Variants in ITGA1 observed in about 807,000 individuals in gnomAD.
ITGA1 encodes integrin subunit alpha 1.
In ITGA1, 85 loss-of-function variants were observed where a neutral mutation model predicts 145.9. The ratio of observed to expected loss-of-function variants is 0.58; its 90% confidence interval spans 0.49 to 0.70. The LOEUF is 0.70. Ranked by LOEUF, ITGA1 falls within the 30% of genes least tolerant of loss-of-function variation. The pLI is 0.00. For synonymous variants in ITGA1, 520 were observed against 495.3 expected (o/e 1.05, Z -0.66); for missense variants, 1,351 against 1,418.7 (o/e 0.95, Z 0.77).
At chr5:52,943,047 AT>A (rs1397828238) in intron 26 of ITGA1, among the ~76,000 whole-genome samples, 1 of 152,042 alleles carries the variant, frequency 6.6e-6, no homozygotes, top group Non-Finnish European at 1.5e-5. Context: ...TTCTATTCCT[AT>A]TTGGATGTCT....
intron 14 of ITGA1, among the ~76,000 whole-genome samples, chr5:52,912,253 TTATA>T (rs1486441402): frequency 4.8e-5 from 7 of 144,760 alleles, no homozygotes; most frequent in African/African-American, 1.7e-4. Context: ...ACAATATATA[TTATA>T]TATAGTGTAT....
intron 6 of ITGA1, among the ~76,000 whole-genome samples, chr5:52,877,396 G>C (rs1286194623): frequency 6.6e-6 from 1 of 152,098 alleles, no homozygotes; most frequent in Non-Finnish European, 1.5e-5. Context: ...CTGGAGTCGG[G>C]CTCCAACACC....
intron 1 of ITGA1, chr5:52,800,139 A>C: frequency 4.0e-6 from 2 of 505,326 alleles, no homozygotes; most frequent in African/African-American, 1.9e-5. Context: ...GGAACTGTGT[A>C]GGGGTAGATT....
intron 24 of ITGA1, among the ~76,000 whole-genome samples, chr5:52,938,349 T>G (rs1751002915): frequency 1.3e-5 from 2 of 152,184 alleles, no homozygotes; most frequent in Non-Finnish European, 2.9e-5. Flanking sequence ...TTCATTATGG[T>G]TTAGTGCCTA....
chr5:52,837,496 C>T (rs1749178445), intron 1 of ITGA1, among the ~76,000 whole-genome samples: 1 of 152,070 alleles, frequency 6.6e-6, no homozygotes, highest in Non-Finnish European at 1.5e-5. Flanking sequence ...TGTTTTTATT[C>T]CCTTTTAGAC....
chr5:52,853,972 T>C (rs1749467711), intron 2 of ITGA1, among the ~76,000 whole-genome samples: 1 of 152,128 alleles, frequency 6.6e-6, no homozygotes, highest in South Asian at 2.1e-4. Context: ...AGATGTCTGT[T>C]TGGGGCTTTC....
At chr5:52,834,118 A>G (rs76815853) in intron 1 of ITGA1, among the ~76,000 whole-genome samples, 18,241 of 152,164 alleles carry the variant, frequency 0.12, 1,145 homozygotes, top group Admixed American at 0.17. Context: ...TGGTGGCTCT[A>G]TTGTCAGCAT....
At chr5:52,792,054 T>C (rs1433121128) in intron 1 of ITGA1, among the ~76,000 whole-genome samples, 1 of 152,220 alleles carries the variant, frequency 6.6e-6, no homozygotes, top group East Asian at 1.9e-4. Flanking sequence ...TACAAGTCAA[T>C]CTTTTATTTC....
chr5:52,849,567 G>T (rs1749397600), intron 2 of ITGA1, 82 bp downstream of exon 2: 2 of 1,178,144 alleles, frequency 1.7e-6, no homozygotes, highest in South Asian at 2.1e-5. Flanking sequence ...TTTCTTTTAT[G>T]AATGAAACTT....
chr5:52,942,057 G>T (rs1561256017), intron 26 of ITGA1, among the ~76,000 whole-genome samples: 1 of 152,048 alleles, frequency 6.6e-6, no homozygotes, highest in African/African-American at 2.4e-5. Flanking sequence ...GCTTGTTTTT[G>T]TTGGCTTTAT....
chr5:52,788,985 G>A (rs1748185504), intron 1 of ITGA1, among the ~76,000 whole-genome samples: 1 of 152,176 alleles, frequency 6.6e-6, no homozygotes, highest in Non-Finnish European at 1.5e-5. Context: ...ATTTTGAAAC[G>A]TAGAAAGGAA....
chr5:52,910,201 C>T lies in ITGA1; in HGVS notation c.1639C>T (p.Gln547Ter). Residue 547 changes from glutamine (Q) to a stop codon, truncating the protein, a stop_gained, in exon 14 of 29, where the codon CAG becomes TAG. Transcript: ENST00000282588. LOFTEE classifies it high-confidence loss of function. ...EYQMSLEPIK[Q>*]TCCSSRQHNS... ...TCAAATGAGCCTGGAACCTATTAAG[C>T]AGACGTGCTGTTCATCTCGGCAGCA... 1.2e-6 allele frequency: 2 copies of T among 1,613,374 alleles called. No homozygotes were observed. Among genetic ancestry groups the T allele is most frequent in the Non-Finnish European group, 1.7e-6 (2 of 1,179,410 alleles).
In ITGA1 at chr5:52,891,662, A is replaced by G. The variant is rs187771220; in HGVS notation, c.925-2013A>G. On this transcript the variant is annotated intron_variant, in intron 8 of 28. Coordinates refer to ENST00000282588, the MANE Select transcript of ITGA1 (RefSeq NM_181501.2). ...TTACAGAAGTGATTTTTTATTATAA[A>G]GTTTTAAAAAAAATATTGAAGCAAA... Among the ~76,000 whole-genome samples, 926 of 141,362 alleles carry G rather than the reference A, an allele frequency of 6.6e-3. 8 individuals carry two copies. Among genetic ancestry groups the G allele is most frequent in the African/African-American group, 0.022 (865 of 39,562 alleles). 92.7% of individuals were successfully genotyped at this position (141,362 alleles called of 152,430 possible).
rs1270124368 is a variant in ITGA1, at chr5:52,910,407, A to G, written c.1845A>G (p.Lys615=). The change falls in exon 14 of 29, where the codon AAA becomes AAG. Residue 615 remains lysine (K), a synonymous_variant. Transcript: ENST00000282588. The part of the protein sequence containing the change: ...IYHGSGKTIR[K]EYAQRIPSGG... ...ATGGAAGTGGCAAGACTATAAGGAA[A>G]GAGTATGCACAAGTAAGAATTGAAA... 8.7e-6 allele frequency: 14 copies of G among 1,613,360 alleles called. No homozygotes were observed. Among genetic ancestry groups the G allele is most frequent in the African/African-American group, 1.3e-5 (1 of 74,994 alleles).
intron 14 of ITGA1, 131 bp downstream of exon 14, chr5:52,910,550 C>A (rs900737311): frequency 9.1e-5 from 86 of 944,870 alleles, no homozygotes; most frequent in Non-Finnish European, 1.2e-4. Flanking sequence ...ATTTAATTCT[C>A]TTTAAGTGTT....
At chr5:52,923,026 G>T in intron 18 of ITGA1, 139 bp downstream of exon 18, 1 of 592,980 alleles carries the variant, frequency 1.7e-6, no homozygotes, top group South Asian at 2.1e-5. Flanking sequence ...AAGGCAAGCA[G>T]ATTTTATTCC....
chr5:52,851,562 AAGAC>A (rs1214048418), intron 2 of ITGA1, among the ~76,000 whole-genome samples: 2 of 152,188 alleles, frequency 1.3e-5, no homozygotes, highest in Admixed American at 6.6e-5. Flanking sequence ...AGGAAAAAGA[AAGAC>A]AGCCAACACT....
intron 1 of ITGA1, chr5:52,800,107 C>G (rs377327360): frequency 3.1e-5 from 12 of 384,998 alleles, no homozygotes; most frequent in African/African-American, 2.1e-4. Flanking sequence ...TTTCGTCAGC[C>G]CGCTGTTGCG....
At chr5:52,904,153 T>A (rs1435943284) in intron 11 of ITGA1, 2 of 152,288 alleles carry the variant, frequency 1.3e-5, no homozygotes, top group African/African-American at 2.4e-5. Context: ...GACAGAGGGT[T>A]TATGGCCCCA....
Sources: allele counts gnomAD v4.1 joint callset (sites outside exome capture counted in the v4.1 genomes callset), GRCh38; gene constraint gnomAD v4.1.1; transcripts MANE v1.5; gene names NCBI Gene and HGNC (gene_info 2026-07-23, HGNC 2026-07-21).